Variants in KCNH5 observed in about 807,000 individuals in gnomAD.
KCNH5 encodes potassium voltage-gated channel subfamily H member 5, also known as voltage-gated delayed rectifier potassium channel KCNH5.
KCNH5 carries 46 observed loss-of-function variants against 96.1 expected under a neutral mutation model. The ratio of observed to expected loss-of-function variants is 0.48; its 90% CI spans 0.38 to 0.61. The LOEUF is 0.61. Ranked by LOEUF, KCNH5 falls within the 20% of genes least tolerant of loss-of-function variation. KCNH5 has a pLI of 0.00. For missense variants in KCNH5, 907 were observed against 1,225.8 expected (o/e 0.74, Z 3.88); for synonymous variants, 439 against 449.8 (o/e 0.98, Z 0.30).
chr14:62,816,091 T>C (rs372042042), intron 8 of KCNH5, among the ~76,000 whole-genome samples: 17 of 151,952 alleles, frequency 1.1e-4, no homozygotes, highest in African/African-American at 4.1e-4. Context: ...TGTGTCTGTG[T>C]GCATATAGAT....
intron 7 of KCNH5, among the ~76,000 whole-genome samples, chr14:62,859,605 G>A (rs1394736734): frequency 6.6e-6 from 1 of 152,146 alleles, no homozygotes; most frequent in Non-Finnish European, 1.5e-5. Flanking sequence ...TCAAGTCCCT[G>A]ACCATCCAGC....
intron 10 of KCNH5, among the ~76,000 whole-genome samples, chr14:62,753,457 T>C (rs1052238145): frequency 2.0e-5 from 3 of 152,036 alleles, no homozygotes; most frequent in African/African-American, 7.2e-5. Flanking sequence ...CTTCCAAACA[T>C]AGACAAAGAT....
At chr14:62,735,592 C>T (rs1218799816) in intron 10 of KCNH5, among the ~76,000 whole-genome samples, 1 of 152,132 alleles carries the variant, frequency 6.6e-6, no homozygotes, top group Non-Finnish European at 1.5e-5. Context: ...ATAGGCGGTA[C>T]TCCACCTTCA....
At position 62,909,106 on chromosome 14, in the gene KCNH5, C is replaced by T. The variant is rs1223902090; in HGVS notation, c.1369+41027G>A. Among the ~76,000 whole-genome samples the T allele has an allele frequency of 5.1e-5, 6 of 117,088 alleles. No individual in the cohort carries two copies. The East Asian group carries it at 1.0e-3, about 20-fold the overall frequency. The allele number at this position is 117,088 out of a possible 152,430, so 76.8% of individuals were successfully genotyped here. ...TGTCGCCCAGGCTGGAGTGCAGTGG[C>T]GGGATCTCGGCTCACTGCAAGCTCC... is the stretch of plus-strand genomic sequence containing the variant. On this transcript the variant is annotated intron_variant, in intron 7 of 10. Coordinates refer to ENST00000322893, the MANE Select transcript of KCNH5 (RefSeq NM_139318.5).
chr14:62,958,744 T>C (rs1434314267), intron 6 of KCNH5, among the ~76,000 whole-genome samples: 3 of 152,134 alleles, frequency 2.0e-5, no homozygotes, highest in African/African-American at 7.2e-5. Context: ...ATTACCAGCT[T>C]TCTTCACAAC....
At chr14:62,794,413 G>C (rs1456826013) in intron 9 of KCNH5, among the ~76,000 whole-genome samples, 1 of 150,540 alleles carries the variant, frequency 6.6e-6, no homozygotes, top group African/African-American at 2.4e-5. Context: ...AATTTGATGG[G>C]TAAAAGCATG....
intron 2 of KCNH5, among the ~76,000 whole-genome samples, chr14:63,009,276 G>GA (rs1891183074): frequency 1.3e-5 from 2 of 152,004 alleles, no homozygotes; most frequent in African/African-American, 2.4e-5. Flanking sequence ...CACCAACGAA[G>GA]AAAAAATGCA....
chr14:62,731,278 G>A (rs1474967120), intron 10 of KCNH5, among the ~76,000 whole-genome samples: 1 of 151,578 alleles, frequency 6.6e-6, no homozygotes, highest in Non-Finnish European at 1.5e-5. Flanking sequence ...TCCAGCCTGG[G>A]CAACAGAGGG....
intron 7 of KCNH5, among the ~76,000 whole-genome samples, chr14:62,928,319 G>A (rs1889514311): frequency 6.6e-6 from 1 of 152,050 alleles, no homozygotes; most frequent in Non-Finnish European, 1.5e-5. Context: ...TAATAGCCTA[G>A]CAGGGAAGAC....
At chr14:62,988,765 C>A (rs1237569481) in intron 4 of KCNH5, among the ~76,000 whole-genome samples, 1 of 152,044 alleles carries the variant, frequency 6.6e-6, no homozygotes, top group African/African-American at 2.4e-5. Context: ...AACCAACATG[C>A]AATCTCTATG....
chr14:62,872,326 G>C (rs1418555371), intron 7 of KCNH5, among the ~76,000 whole-genome samples: 2 of 152,132 alleles, frequency 1.3e-5, no homozygotes, highest in Non-Finnish European at 2.9e-5. Context: ...GATGGTTCTG[G>C]CAAATGTTAA....
intron 7 of KCNH5, among the ~76,000 whole-genome samples, chr14:62,931,761 G>A (rs551157529): frequency 4.6e-5 from 7 of 152,266 alleles, no homozygotes; most frequent in Admixed American, 3.9e-4. Flanking sequence ...GAAACAGATG[G>A]ACACCTACCC....
intron 7 of KCNH5, among the ~76,000 whole-genome samples, chr14:62,889,969 C>G (rs570287892): frequency 7.9e-5 from 12 of 152,262 alleles, no homozygotes; most frequent in Admixed American, 2.6e-4. Context: ...TTGACAAAAA[C>G]AAGCAATGGG....
chr14:62,853,047 C>T (rs1007882118), intron 7 of KCNH5, among the ~76,000 whole-genome samples: 1 of 152,156 alleles, frequency 6.6e-6, no homozygotes, highest in Non-Finnish European at 1.5e-5. Flanking sequence ...CAGCCAAATG[C>T]ACTTTTCACC....
intron 10 of KCNH5, among the ~76,000 whole-genome samples, chr14:62,723,130 T>C (rs2139915800): frequency 6.6e-6 from 1 of 151,578 alleles, no homozygotes; most frequent in Non-Finnish European, 1.5e-5. Context: ...ATACAATATC[T>C]TTAAAGATTT....
chr14:62,772,827 T>C (rs937295029), intron 10 of KCNH5, among the ~76,000 whole-genome samples: 1 of 152,146 alleles, frequency 6.6e-6, no homozygotes, highest in African/African-American at 2.4e-5. Flanking sequence ...GAAAGTTAAA[T>C]GCTTTCACTA....
At chr14:62,905,244 T>A (rs1889004917) in intron 7 of KCNH5, among the ~76,000 whole-genome samples, 1 of 152,238 alleles carries the variant, frequency 6.6e-6, no homozygotes, top group Admixed American at 6.5e-5. Flanking sequence ...CTCTTTTGTT[T>A]TGTTTTAGCT....
intron 9 of KCNH5, among the ~76,000 whole-genome samples, chr14:62,782,614 T>C (rs193117402): frequency 6.6e-6 from 1 of 152,006 alleles, no homozygotes; most frequent in Admixed American, 6.6e-5. Flanking sequence ...ATCGAGACCA[T>C]CCTGGCTAAC....
At chr14:62,898,518 G>T (rs1888860099) in intron 7 of KCNH5, among the ~76,000 whole-genome samples, 2 of 151,980 alleles carry the variant, frequency 1.3e-5, no homozygotes, top group Non-Finnish European at 2.9e-5. Context: ...AAATGTATTG[G>T]CAATTCAAAC....
Sources: allele counts gnomAD v4.1 joint callset (sites outside exome capture counted in the v4.1 genomes callset), GRCh38; gene constraint gnomAD v4.1.1; transcripts MANE v1.5; gene names NCBI Gene and HGNC (gene_info 2026-07-23, HGNC 2026-07-21).